Variants in ARHGEF38 observed in about 807,000 individuals in gnomAD.
The protein encoded by ARHGEF38 is Rho guanine nucleotide exchange factor 38.
In ARHGEF38, 79 loss-of-function variants were observed where a neutral mutation model predicts 79.9. The observed-to-expected ratio is 0.99, with a 90% confidence interval of 0.82 to 1.19. The LOEUF is 1.19. Among genes scored for constraint, ARHGEF38 ranks in the 50% most tolerant of loss-of-function variants. ARHGEF38 has a pLI of 0.00. For missense variants in ARHGEF38, 962 were observed against 907.2 expected, an observed-to-expected ratio of 1.06 and a Z score of -0.78; for synonymous variants, 366 against 328.3, an observed-to-expected ratio of 1.11 and a Z score of -1.24.
chr4:105,600,224 A>G (rs1434449802), intron 2 of ARHGEF38, among the ~76,000 whole-genome samples: 1 of 152,196 alleles, frequency 6.6e-6, no homozygotes, highest in Non-Finnish European at 1.5e-5. Context: ...AACATATAAA[A>G]CACAAATAAC....
At chr4:105,618,613 T>A (rs553104808) in intron 3 of ARHGEF38, among the ~76,000 whole-genome samples, 1 of 152,142 alleles carries the variant, frequency 6.6e-6, no homozygotes, top group Admixed American at 6.5e-5. Flanking sequence ...AGAGCGAGAC[T>A]CCATCTCAAA....
rs972871561 is a variant in ARHGEF38 at position 105,680,791 on chromosome 4, T to C, written c.*2854T>C. On this transcript the variant is annotated 3_prime_UTR_variant, in exon 14 of 14. Transcript: ENST00000420470. ...TCCTAAACTAAAGTCCCCTCTGAGGTACAACAGAAATTAAAATAATTGCTT... is the reference window on the plus strand; with the variant it reads ...TCCTAAACTAAAGTCCCCTCTGAGGCACAACAGAAATTAAAATAATTGCTT... 6.6e-6 allele frequency: 1 copy of C among 152,166 alleles called. No individual in the cohort carries two copies. Among genetic ancestry groups the C allele is most frequent in the African/African-American group, 2.4e-5 (1 of 41,450 alleles). The allele number at this position is 152,166 out of a possible 1,614,324, so 9.4% of individuals were successfully genotyped here. A position where few individuals can be genotyped will look rare whatever the true frequency, so the allele number is the denominator to read the frequency against.
intron 1 of ARHGEF38, among the ~76,000 whole-genome samples, chr4:105,571,255 A>T (rs953062936): frequency 1.3e-5 from 2 of 152,158 alleles, no homozygotes; most frequent in African/African-American, 4.8e-5. Flanking sequence ...ATTTGTTATT[A>T]AAATTATTGA....
At chr4:105,630,012 A>G (rs1729114529) in intron 3 of ARHGEF38, among the ~76,000 whole-genome samples, 1 of 152,154 alleles carries the variant, frequency 6.6e-6, no homozygotes, top group South Asian at 2.1e-4. Context: ...TTGAAATTTC[A>G]CCTTCTGTGT....
At chr4:105,664,410 T>G (rs1022825757) in intron 10 of ARHGEF38, among the ~76,000 whole-genome samples, 1 of 152,234 alleles carries the variant, frequency 6.6e-6, no homozygotes, top group Admixed American at 6.5e-5. Context: ...GACTCTTGTG[T>G]TGTCATTTCA....
intron 1 of ARHGEF38, among the ~76,000 whole-genome samples, chr4:105,581,119 C>T (rs1726769607): frequency 6.6e-6 from 1 of 152,122 alleles, no homozygotes; most frequent in South Asian, 2.1e-4. Flanking sequence ...GAACAAGTCC[C>T]GGTGCCCCGT....
intron 2 of ARHGEF38, among the ~76,000 whole-genome samples, chr4:105,611,802 T>C (rs1397339253): frequency 6.6e-6 from 1 of 152,140 alleles, no homozygotes; most frequent in Non-Finnish European, 1.5e-5. Flanking sequence ...TATGGAATTA[T>C]AGACAATTTC....
intron 10 of ARHGEF38, 46 bp downstream of exon 10, chr4:105,659,411 T>G (rs1177404413): frequency 2.0e-6 from 3 of 1,498,490 alleles, no homozygotes; most frequent in Non-Finnish European, 8.9e-7. Context: ...GCCTACTGGA[T>G]CTGCTAGAAA....
At chr4:105,581,914 C>T (rs1425518490) in intron 1 of ARHGEF38, among the ~76,000 whole-genome samples, 1 of 151,946 alleles carries the variant, frequency 6.6e-6, no homozygotes, top group Non-Finnish European at 1.5e-5. Flanking sequence ...GCTTGTAATC[C>T]CAGCACTTTG....
At chr4:105,608,686 T>C (rs1279295523) in intron 2 of ARHGEF38, among the ~76,000 whole-genome samples, 1 of 152,152 alleles carries the variant, frequency 6.6e-6, no homozygotes, top group African/African-American at 2.4e-5. Flanking sequence ...ATAGTCACCC[T>C]GTATCTTCTT....
At chr4:105,596,758 G>A (rs1007049376) in intron 2 of ARHGEF38, among the ~76,000 whole-genome samples, 1 of 152,274 alleles carries the variant, frequency 6.6e-6, no homozygotes, top group African/African-American at 2.4e-5. Context: ...GAATCTTCCT[G>A]AGTTCCATAT....
At chr4:105,631,402 A>G in intron 4 of ARHGEF38, 2 of 993,400 alleles carry the variant, frequency 2.0e-6, no homozygotes, top group Non-Finnish European at 2.4e-6. Context: ...CCCCATGACC[A>G]CTGGAGCACA....
chr4:105,570,754 G>C (rs1052917245), intron 1 of ARHGEF38, among the ~76,000 whole-genome samples: 4 of 152,020 alleles, frequency 2.6e-5, no homozygotes, highest in Non-Finnish European at 5.9e-5. Flanking sequence ...GATTTGGGTG[G>C]GGACACAGCC....
chr4:105,634,471 A>C (rs571054178), intron 4 of ARHGEF38, among the ~76,000 whole-genome samples: 22 of 152,156 alleles, frequency 1.4e-4, no homozygotes, highest in Non-Finnish European at 2.5e-4. Flanking sequence ...ATAGTCTCCA[A>C]AGTTATGGAA....
rs1360544700 is a variant in ARHGEF38, at chr4:105,659,362, G to A, written c.1542G>A (p.Val514=). ...CACAGCAGGCTTACTCCACACTTGT[G>A]CCGGTAAGCACAGCACCAACACCTA... ...LVAQQAYSTL[V]PMPLLVSSIS... The change falls in exon 10 of 14, where the codon GTG becomes GTA. Residue 514 remains valine, a synonymous_variant. Transcript: ENST00000420470. 2.0e-6 allele frequency: 3 copies of A among 1,533,638 alleles called. No homozygotes were observed. The highest frequency in any genetic ancestry group is 2.4e-5 in the South Asian group (2 of 83,774).
chr4:105,577,844 C>T (rs1162805743), intron 1 of ARHGEF38, among the ~76,000 whole-genome samples: 4 of 151,892 alleles, frequency 2.6e-5, no homozygotes, highest in African/African-American at 4.8e-5. Flanking sequence ...TTGCTAATGG[C>T]CTATCAATTT....
intron 1 of ARHGEF38, among the ~76,000 whole-genome samples, chr4:105,565,716 A>G (rs1049306598): frequency 6.6e-6 from 1 of 152,146 alleles, no homozygotes; most frequent in Admixed American, 6.5e-5. Context: ...TCCTTTTTTT[A>G]TATAATGAGA....
At chr4:105,616,537 C>A (rs2110496398) in intron 3 of ARHGEF38, among the ~76,000 whole-genome samples, 1 of 152,236 alleles carries the variant, frequency 6.6e-6, no homozygotes. Flanking sequence ...ATCACAAGAA[C>A]AGCAAGGGGA....
At chr4:105,637,345 A>G (rs1423404451) in intron 5 of ARHGEF38, among the ~76,000 whole-genome samples, 1 of 152,132 alleles carries the variant, frequency 6.6e-6, no homozygotes, top group Non-Finnish European at 1.5e-5. Flanking sequence ...TATCTCAGTC[A>G]AGTTGAGAAG....
Sources: allele counts gnomAD v4.1 joint callset (sites outside exome capture counted in the v4.1 genomes callset), GRCh38; gene constraint gnomAD v4.1.1; transcripts MANE v1.5; gene names NCBI Gene and HGNC (gene_info 2026-07-23, HGNC 2026-07-21).